Variants in CDH10 observed in about 807,000 individuals in gnomAD.
CDH10 encodes cadherin 10.
Under a neutral mutation model 73.1 loss-of-function variants are expected in CDH10, and 30 were observed. The ratio of observed to expected loss-of-function variants is 0.41; its 90% CI spans 0.31 to 0.56. The LOEUF (loss-of-function observed/expected upper bound fraction) is 0.56. Ranked by LOEUF, CDH10 falls within the 20% of genes least tolerant of loss-of-function variation. The pLI is 0.27. For synonymous variants in CDH10, 345 were observed against 348.2 expected, an observed-to-expected ratio of 0.99 and a Z score of 0.10; for missense variants, 815 against 973.7, an observed-to-expected ratio of 0.84 and a Z score of 2.17.
At chr5:24,589,171 C>A (rs77736456) in intron 2 of CDH10, among the ~76,000 whole-genome samples, 1 of 151,976 alleles carries the variant, frequency 6.6e-6, no homozygotes, top group Non-Finnish European at 1.5e-5. Flanking sequence ...AAGGAATAAA[C>A]ACTTCATGCA....
intron 1 of CDH10, among the ~76,000 whole-genome samples, chr5:24,607,235 A>G (rs1164428969): frequency 6.6e-6 from 1 of 152,192 alleles, no homozygotes; most frequent in Non-Finnish European, 1.5e-5. Context: ...CGACGCCTGC[A>G]GCACAGAGAC....
chr5:24,502,784 A>G (rs1421180217), intron 8 of CDH10, among the ~76,000 whole-genome samples: 4 of 152,216 alleles, frequency 2.6e-5, no homozygotes, highest in Non-Finnish European at 5.9e-5. Context: ...AGCAGAGAGC[A>G]CAATCATGAT....
chr5:24,644,485 C>T (rs937318648), intron 1 of CDH10, 109 bp downstream of exon 1: 3 of 151,876 alleles, frequency 2.0e-5, no homozygotes, highest in Non-Finnish European at 1.5e-5. Flanking sequence ...AATTGCTAAA[C>T]ACAACTTAAA....
intron 2 of CDH10, among the ~76,000 whole-genome samples, chr5:24,587,285 A>C (rs1746056528): frequency 1.3e-5 from 2 of 152,252 alleles, no homozygotes; most frequent in East Asian, 3.8e-4. Flanking sequence ...ATATATGAAC[A>C]TATGCCAATT....
intron 9 of CDH10, among the ~76,000 whole-genome samples, chr5:24,497,252 A>G (rs1742324856): frequency 6.6e-6 from 1 of 152,078 alleles, no homozygotes; most frequent in Non-Finnish European, 1.5e-5. Flanking sequence ...ATCAAATAGA[A>G]TAACCATAGA....
intron 2 of CDH10, among the ~76,000 whole-genome samples, chr5:24,588,970 A>G (rs1160631900): frequency 6.6e-6 from 1 of 152,212 alleles, no homozygotes; most frequent in Non-Finnish European, 1.5e-5. Context: ...CAGAAATAGG[A>G]CATGGGAATA....
chr5:24,592,656 A>T (rs992114813), intron 2 of CDH10, among the ~76,000 whole-genome samples: 1 of 151,702 alleles, frequency 6.6e-6, no homozygotes, highest in African/African-American at 2.4e-5. Flanking sequence ...CTTCCTGTCC[A>T]CCTCATATTG....
intron 2 of CDH10, among the ~76,000 whole-genome samples, chr5:24,554,601 TA>T (rs575092561): frequency 2.0e-5 from 3 of 152,222 alleles, no homozygotes; most frequent in South Asian, 2.1e-4. Context: ...ATGATCCTAA[TA>T]TTTTTTTCTC....
At chr5:24,611,698 C>T (rs531228432) in intron 1 of CDH10, 9 of 152,174 alleles carry the variant, frequency 5.9e-5, no homozygotes, top group Admixed American at 5.9e-4. Context: ...GCATGCGCAC[C>T]GATCTAGTAA....
intron 11 of CDH10, among the ~76,000 whole-genome samples, chr5:24,489,301 AGTTT>A (rs1433398466): frequency 2.0e-5 from 3 of 152,152 alleles, no homozygotes; most frequent in Non-Finnish European, 4.4e-5. Flanking sequence ...TGCACAGACT[AGTTT>A]GTCTTCAACC....
intron 1 of CDH10, among the ~76,000 whole-genome samples, chr5:24,627,748 T>C (rs1320330964): frequency 6.6e-6 from 1 of 152,138 alleles, no homozygotes; most frequent in East Asian, 1.9e-4. Flanking sequence ...AGCTATCCTT[T>C]ATTTATTTGC....
At chr5:24,554,119 G>GGAGAGAGA (rs71605680) in intron 2 of CDH10, 3 of 39,774 alleles carry the variant, frequency 7.5e-5, no homozygotes, top group Admixed American at 2.5e-4. Context: ...GGCGGGGGGG[G>GGAGAGAGA]GAGAGAGAGA....
At chr5:24,570,736 A>T (rs762148802) in intron 2 of CDH10, among the ~76,000 whole-genome samples, 1 of 152,058 alleles carries the variant, frequency 6.6e-6, no homozygotes, top group Non-Finnish European at 1.5e-5. Flanking sequence ...GTCTGTATGA[A>T]ATATAAAGAA....
chr5:24,617,375 A>G (rs1301187995), intron 1 of CDH10, among the ~76,000 whole-genome samples: 7 of 152,192 alleles, frequency 4.6e-5, no homozygotes, highest in South Asian at 2.1e-4. Context: ...ATTGAGATCA[A>G]TAAGATAAGA....
At chr5:24,642,626 C>A (rs1258683241) in intron 1 of CDH10, among the ~76,000 whole-genome samples, 1 of 151,998 alleles carries the variant, frequency 6.6e-6, no homozygotes, top group African/African-American at 2.4e-5. Context: ...AAATTGATTA[C>A]CTGCATAGCA....
At chr5:24,529,887 G>A (rs1286757116) in intron 5 of CDH10, among the ~76,000 whole-genome samples, 1 of 151,856 alleles carries the variant, frequency 6.6e-6, no homozygotes, top group Non-Finnish European at 1.5e-5. Context: ...TTCTATAAAA[G>A]CCAGGTTTCT....
intron 1 of CDH10, among the ~76,000 whole-genome samples, chr5:24,629,698 T>G (rs2112191998): frequency 6.6e-6 from 1 of 152,190 alleles, no homozygotes; most frequent in African/African-American, 2.4e-5. Context: ...TAAGGGGCTC[T>G]TCCCTCTTTG....
intron 1 of CDH10, among the ~76,000 whole-genome samples, chr5:24,627,489 T>C (rs1579485131): frequency 1.3e-5 from 2 of 152,274 alleles, no homozygotes; most frequent in South Asian, 2.1e-4. Flanking sequence ...TGCATGTATA[T>C]TTAAACATGC....
chr5:24,563,961 A>G (rs968516605), intron 2 of CDH10, among the ~76,000 whole-genome samples: 1 of 152,102 alleles, frequency 6.6e-6, no homozygotes, highest in Non-Finnish European at 1.5e-5. Context: ...TCTGCTTCTG[A>G]ATACTTTAGA....
Sources: gnomAD v4.1 joint callset for allele counts (sites outside exome capture counted in the v4.1 genomes callset) on GRCh38, gnomAD v4.1.1 for gene constraint, MANE v1.5 for transcripts, NCBI Gene and HGNC (gene_info 2026-07-23, HGNC 2026-07-21) for gene names.